The following WFDC1 variants were observed in gnomAD, a reference collection of about 807,000 sequenced individuals.
WFDC1 encodes the protein WAP four-disulfide core domain protein 1.
In WFDC1, 39 loss-of-function variants were observed where a neutral mutation model predicts 32.9. The observed-to-expected ratio is 1.19, with a 90% CI of 0.92 to 1.55. The LOEUF is 1.55. Among genes scored for constraint, WFDC1 ranks in the 40% most tolerant of loss-of-function variants. WFDC1 has a pLI of 0.00. For missense variants in WFDC1, 386 were observed against 309.5 expected (o/e 1.25, Z -1.85); for synonymous variants, 184 against 137.4 (o/e 1.34, Z -2.37).
chr16:84,312,978 G>A lies in WFDC1; in HGVS notation c.162G>A (p.Ala54=). 1 of 1,171,052 alleles carries A rather than the reference G, an allele frequency of 8.5e-7. No homozygotes were observed. The allele number at this position is 1,171,052 out of a possible 1,614,324, so 72.5% of individuals were successfully genotyped here. A position where few individuals can be genotyped will look rare whatever the true frequency, so the allele number is the denominator to read the frequency against. Residue 54 remains alanine (A), a synonymous_variant, in exon 2 of 7, where the codon GCG becomes GCA. Coordinates refer to ENST00000219454, the MANE Select transcript of WFDC1 (RefSeq NM_021197.4). ...CCCCGCAGGCCGAGGAGGCGGGCGC[G>A]CCCGGCGGCCCCCGGCAGCCCCGAG... ...AEKSRAEEAG[A]PGGPRQPRAD... is the part of the protein sequence containing the mutation.
At chr16:84,301,258 C>A (rs1906914890) in intron 1 of WFDC1, among the ~76,000 whole-genome samples, 1 of 152,200 alleles carries the variant, frequency 6.6e-6, no homozygotes, top group South Asian at 2.1e-4. Context: ...TTTAAGCCCC[C>A]AGCGTGTGGC....
chr16:84,328,579 T>G (rs1908738521), intron 6 of WFDC1: 1 of 152,182 alleles, frequency 6.6e-6, no homozygotes, highest in Non-Finnish European at 1.5e-5. Context: ...GGACTGAGCT[T>G]CTAACAGGGA....
chr16:84,297,635 A>G (rs1040259066), intron 1 of WFDC1, among the ~76,000 whole-genome samples: 1 of 148,598 alleles, frequency 6.7e-6, no homozygotes, highest in Admixed American at 6.7e-5. Flanking sequence ...AAAAAAAAAA[A>G]AAAAAAAAAA....
chr16:84,303,356 G>T (rs1435439751), intron 1 of WFDC1, among the ~76,000 whole-genome samples: 1 of 152,102 alleles, frequency 6.6e-6, no homozygotes, highest in African/African-American at 2.4e-5. Flanking sequence ...GAAGGGGGTG[G>T]TGAGCACTGA....
intron 3 of WFDC1, chr16:84,319,147 G>A (rs1908143626): frequency 2.1e-6 from 1 of 477,084 alleles, no homozygotes. Context: ...GTGTATCCGT[G>A]AACATGTCTA....
At chr16:84,300,656 T>G (rs550220616) in intron 1 of WFDC1, among the ~76,000 whole-genome samples, 5 of 152,294 alleles carry the variant, frequency 3.3e-5, no homozygotes, top group South Asian at 4.1e-4. Context: ...TTCCTTAATA[T>G]GAACCCCGTT....
rs547987251 is a variant in WFDC1 at position 84,309,200 on chromosome 16, G to A, written c.145-3761G>A. Among the ~76,000 whole-genome samples, 67 of 152,088 alleles carry A rather than the reference G, an allele frequency of 4.4e-4. 1 individual carries two copies. The highest frequency in any genetic ancestry group is 4.6e-4 in the Admixed American group (7 of 15,228). ...AGGGGAGGAGGGAGGGCAGTTTGCT[G>A]GCATGTAAGGACAAGGAGGGTCGGG... On this transcript the variant is annotated intron_variant, in intron 1 of 6. Coordinates refer to ENST00000219454, the MANE Select transcript of WFDC1 (RefSeq NM_021197.4).
chr16:84,313,051 C>A lies in WFDC1; in HGVS notation c.235C>A (p.Gln79Lys). ...PPRTLPPGAC[Q>K]AARCQADSEC... ...GCGGACGCTGCCCCCCGGCGCCTGC[C>A]AGGCCGCGCGCTGTCAGGCGGACTC... The change falls in exon 2 of 7, where the codon CAG (glutamine) becomes AAG (lysine). Residue 79 changes from glutamine to lysine, a missense_variant. Physicochemically the swap from Gln to Lys is moderately conservative, Grantham distance 53 (BLOSUM62 1). Coordinates refer to ENST00000219454, the MANE Select transcript of WFDC1 (RefSeq NM_021197.4). The A allele has an allele frequency of 7.2e-7, 1 of 1,384,704 alleles. No homozygotes were observed. Among genetic ancestry groups the A allele is most frequent in the South Asian group, 1.6e-5 (1 of 62,460 alleles). The allele number at this position is 1,384,704 out of a possible 1,614,324, so 85.8% of individuals were successfully genotyped here. A position where few individuals can be genotyped will look rare whatever the true frequency, so the allele number is the denominator to read the frequency against.
At chr16:84,306,509 C>G (rs1030656242) in intron 1 of WFDC1, among the ~76,000 whole-genome samples, 8 of 152,220 alleles carry the variant, frequency 5.3e-5, no homozygotes, top group Non-Finnish European at 1.2e-4. Context: ...AAGCATCCTT[C>G]CTCATCTCTG....
chr16:84,304,294 G>T (rs199753733), intron 1 of WFDC1, among the ~76,000 whole-genome samples: 4 of 151,758 alleles, frequency 2.6e-5, no homozygotes, highest in African/African-American at 9.7e-5. Flanking sequence ...CAGTGGTGCC[G>T]TCTGGCTCAC....
intron 1 of WFDC1, among the ~76,000 whole-genome samples, chr16:84,306,743 G>A (rs937152227): frequency 6.8e-6 from 1 of 147,924 alleles, no homozygotes; most frequent in African/African-American, 2.5e-5. Context: ...AACTGCCAGG[G>A]TGTGTTGACC....
chr16:84,299,637 C>A (rs1371558802), intron 1 of WFDC1, among the ~76,000 whole-genome samples: 3 of 152,236 alleles, frequency 2.0e-5, no homozygotes, highest in Non-Finnish European at 4.4e-5. Flanking sequence ...TCGACAAATC[C>A]ACCGGGTGGG....
At chr16:84,300,974 C>A (rs77311856) in intron 1 of WFDC1, among the ~76,000 whole-genome samples, 11 of 142,494 alleles carry the variant, frequency 7.7e-5, no homozygotes, top group East Asian at 4.1e-4. Flanking sequence ...GACTTCATCT[C>A]AAAAAAAAAA....
chr16:84,310,150 A>G (rs2151373790), intron 1 of WFDC1, among the ~76,000 whole-genome samples: 1 of 151,296 alleles, frequency 6.6e-6, no homozygotes, highest in East Asian at 2.0e-4. Context: ...GCGATGGCGG[A>G]TTTCTATTAA....
At chr16:84,326,984 C>T (rs1003941890) in intron 6 of WFDC1, 29 bp downstream of exon 6, 5 of 1,610,772 alleles carry the variant, frequency 3.1e-6, no homozygotes, top group Admixed American at 3.3e-5. Flanking sequence ...AGAGTCATGG[C>T]CAGGGTAAAT....
chr16:84,313,118 C>G lies in WFDC1; in HGVS notation c.302C>G (p.Ala101Gly). 1.4e-6 allele frequency: 2 copies of G among 1,444,840 alleles called. No homozygotes were observed. The highest frequency in any genetic ancestry group is 1.8e-6 in the Non-Finnish European group (2 of 1,107,932). The allele number at this position is 1,444,840 out of a possible 1,614,324, so 89.5% of individuals were successfully genotyped here. Residue 101 changes from alanine (A) to glycine (G), a missense_variant, in exon 2 of 7, where the codon GCC becomes GGC. By Grantham distance (60) the Ala-to-Gly change is moderately conservative. Coordinates refer to ENST00000219454, the MANE Select transcript of WFDC1 (RefSeq NM_021197.4). ...CGGCGCTGCTGCTACAACGGATGCGCCTACGCCTGCCTAGAAGCTGTGCCG... is the reference window on the plus strand; with the variant it reads ...CGGCGCTGCTGCTACAACGGATGCGGCTACGCCTGCCTAGAAGCTGTGCCG... ...RHRRCCYNGC[A>G]YACLEAVPPP...
At chr16:84,306,705 T>C (rs1243452224) in intron 1 of WFDC1, among the ~76,000 whole-genome samples, 1 of 152,020 alleles carries the variant, frequency 6.6e-6, no homozygotes, top group Non-Finnish European at 1.5e-5. Context: ...AGTTAATGCA[T>C]GTTAAGCACT....
At chr16:84,326,527 C>G (rs1475712771) in intron 5 of WFDC1, 1 of 234,900 alleles carries the variant, frequency 4.3e-6, no homozygotes, top group Non-Finnish European at 8.5e-6. Flanking sequence ...AAAAGGCTTC[C>G]TAAGGAGGAG....
At chr16:84,300,270 T>C (rs1906857947) in intron 1 of WFDC1, among the ~76,000 whole-genome samples, 1 of 152,238 alleles carries the variant, frequency 6.6e-6, no homozygotes, top group Admixed American at 6.5e-5. Context: ...CAAATGGAGC[T>C]GGAGCCCGAT....
Sources: allele counts gnomAD v4.1 joint callset (sites outside exome capture counted in the v4.1 genomes callset), GRCh38; gene constraint gnomAD v4.1.1; transcripts MANE v1.5; gene names NCBI Gene and HGNC (gene_info 2026-07-23, HGNC 2026-07-21).